The following VAC14 variants were observed in gnomAD, a reference collection of about 807,000 sequenced individuals.
The protein encoded by VAC14 is VAC14 component of PIKFYVE complex.
Under a neutral mutation model 85.3 loss-of-function variants are expected in VAC14, and 47 were observed. The observed-to-expected ratio is 0.55, with a 90% CI of 0.44 to 0.70. VAC14 has a LOEUF of 0.70. Among genes scored for constraint, VAC14 ranks in the 30% least tolerant of loss-of-function variants. The pLI is 0.00. For missense variants in VAC14, 861 were observed against 1,004.3 expected (o/e 0.86, Z 1.93); for synonymous variants, 447 against 430.5 (o/e 1.04, Z -0.47).
chr16:70,730,484 C>T (rs1486870629), intron 14 of VAC14, among the ~76,000 whole-genome samples: 1 of 152,008 alleles, frequency 6.6e-6, no homozygotes, highest in Non-Finnish European at 1.5e-5. Context: ...AACTCCTGAC[C>T]CCCAGACCAT....
chr16:70,769,615 G>C (rs773963149), intron 10 of VAC14: 7 of 152,222 alleles, frequency 4.6e-5, no homozygotes, highest in Non-Finnish European at 7.3e-5. Flanking sequence ...AGGATGGTTT[G>C]GATTTTAGGT....
At chr16:70,735,249 C>T (rs921094433) in intron 13 of VAC14, among the ~76,000 whole-genome samples, 4 of 152,010 alleles carry the variant, frequency 2.6e-5, no homozygotes, top group Non-Finnish European at 4.4e-5. Context: ...CCAGAAGTTG[C>T]GTGGGAGCCA....
At chr16:70,693,954 C>T (rs2053652946) in intron 17 of VAC14, among the ~76,000 whole-genome samples, 1 of 152,192 alleles carries the variant, frequency 6.6e-6, no homozygotes, top group Admixed American at 6.5e-5. Context: ...CCTGCTGGCG[C>T]CCTCCAGAAG....
At chr16:70,756,828 C>A (rs2031905905) in intron 12 of VAC14, among the ~76,000 whole-genome samples, 1 of 152,160 alleles carries the variant, frequency 6.6e-6, no homozygotes, top group Non-Finnish European at 1.5e-5. Context: ...TAGACCTTGC[C>A]CCCTACCATC....
chr16:70,755,983 C>T (rs918466338), intron 12 of VAC14: 19 of 456,434 alleles, frequency 4.2e-5, no homozygotes, highest in South Asian at 1.4e-4. Flanking sequence ...GGCCAAAGTC[C>T]GTGTCATCAA....
intron 1 of VAC14, among the ~76,000 whole-genome samples, chr16:70,787,933 G>A (rs1308957796): frequency 1.3e-5 from 2 of 152,230 alleles, no homozygotes; most frequent in African/African-American, 4.8e-5. Context: ...AATGAGGACA[G>A]GAAGCGTGAG....
At chr16:70,713,621 G>A (rs1387508661) in intron 14 of VAC14, among the ~76,000 whole-genome samples, 1 of 152,118 alleles carries the variant, frequency 6.6e-6, no homozygotes, top group Non-Finnish European at 1.5e-5. Context: ...CTGTGAGTCA[G>A]ATGTCTGCTC....
chr16:70,703,196 A>G (rs1418293640), intron 14 of VAC14, among the ~76,000 whole-genome samples: 1 of 152,258 alleles, frequency 6.6e-6, no homozygotes, highest in East Asian at 1.9e-4. Context: ...CTGGCTCCCA[A>G]GCGCAGTGTC....
chr16:70,706,345 C>T (rs2053919899), intron 14 of VAC14, among the ~76,000 whole-genome samples: 1 of 152,212 alleles, frequency 6.6e-6, no homozygotes, highest in African/African-American at 2.4e-5. Flanking sequence ...TGCAAGTCGC[C>T]TTAGGACTGG....
At chr16:70,709,043 TG>T (rs1389874435) in intron 14 of VAC14, among the ~76,000 whole-genome samples, 1 of 152,194 alleles carries the variant, frequency 6.6e-6, no homozygotes, top group Non-Finnish European at 1.5e-5. Flanking sequence ...TGCCCTCTCT[TG>T]CCACAGGGAT....
chr16:70,691,745 G>A, intron 18 of VAC14: 1 of 985,450 alleles, frequency 1.0e-6, no homozygotes, highest in Non-Finnish European at 1.2e-6. Flanking sequence ...GCTGGCCTGG[G>A]GCAGAGAGCC....
chr16:70,688,682 C>T (rs1033749287), intron 18 of VAC14: 2 of 985,614 alleles, frequency 2.0e-6, no homozygotes, highest in Non-Finnish European at 2.4e-6. Context: ...ATTCCTGTTG[C>T]TGCCACCCTC....
chr16:70,784,647 G>C, intron 4 of VAC14, 129 bp downstream of exon 4: 2 of 897,172 alleles, frequency 2.2e-6, no homozygotes, highest in Non-Finnish European at 1.8e-6. Context: ...TGCACACCAG[G>C]GAGTACATGT....
In VAC14 at chr16:70,687,724, G is replaced by A; in HGVS notation, c.*204C>T. The A allele has an allele frequency of 2.1e-6, 1 of 468,954 alleles. No homozygotes were observed. The highest frequency in any genetic ancestry group is 3.4e-6 in the Non-Finnish European group (1 of 290,464). The allele number at this position is 468,954 out of a possible 1,614,324, so 29.0% of individuals were successfully genotyped here. ...CAGCCAGCTCTGTGAGAATGCCAGG[G>A]TGCAGCTGACAGCGCTGGAGGCCTG... On this transcript the variant is annotated 3_prime_UTR_variant, in exon 19 of 19. Transcript: ENST00000261776.
intron 13 of VAC14, among the ~76,000 whole-genome samples, chr16:70,738,523 C>T (rs1052045098): frequency 6.6e-6 from 1 of 152,020 alleles, no homozygotes; most frequent in Non-Finnish European, 1.5e-5. Flanking sequence ...GCTATTGCTG[C>T]AGGGTGAGGG....
chr16:70,721,065 T>A (rs2054278860), intron 14 of VAC14, among the ~76,000 whole-genome samples: 1 of 151,938 alleles, frequency 6.6e-6, no homozygotes, highest in Non-Finnish European at 1.5e-5. Context: ...GAAGAGGGGG[T>A]GACACATGTC....
intron 9 of VAC14, chr16:70,779,166 A>C (rs1175449520): frequency 6.6e-6 from 1 of 152,234 alleles, no homozygotes; most frequent in African/African-American, 2.4e-5. Context: ...CACAGTGGTG[A>C]TGGCACAGCT....
chr16:70,712,461 G>A (rs1468520741), intron 14 of VAC14, among the ~76,000 whole-genome samples: 5 of 152,138 alleles, frequency 3.3e-5, no homozygotes, highest in African/African-American at 1.2e-4. Context: ...TCCGTGGGGA[G>A]GGACAGTGAC....
At chr16:70,798,437 T>C (rs2034637073) in intron 1 of VAC14, among the ~76,000 whole-genome samples, 1 of 152,218 alleles carries the variant, frequency 6.6e-6, no homozygotes, top group Non-Finnish European at 1.5e-5. Context: ...TATTAAAACA[T>C]ACAATATCCT....
Sources: gnomAD v4.1 joint callset for allele counts (sites outside exome capture counted in the v4.1 genomes callset) on GRCh38, gnomAD v4.1.1 for gene constraint, MANE v1.5 for transcripts, NCBI Gene and HGNC (gene_info 2026-07-23, HGNC 2026-07-21) for gene names.